The following SORCS3 variants were observed in gnomAD, a reference collection of about 807,000 sequenced individuals.
SORCS3 encodes VPS10 domain-containing receptor SorCS3.
A neutral mutation model predicts 146.3 loss-of-function variants in SORCS3; 57 were observed. The observed-to-expected ratio is 0.39, with a 90% CI of 0.31 to 0.49. SORCS3 has a LOEUF of 0.49. Among genes scored for constraint, SORCS3 ranks in the 20% least tolerant of loss-of-function variants. SORCS3 has a pLI of 0.92. For missense variants in SORCS3, 1,341 were observed against 1,575.5 expected, an observed-to-expected ratio of 0.85 and a Z score of 2.52; for synonymous variants, 653 against 618.5, an observed-to-expected ratio of 1.06 and a Z score of -0.83.
In SORCS3 at chr10:105,263,424, GATTACT is replaced by G. The variant is rs1197501781; in HGVS notation, c.*61_*66del. On this transcript the variant is annotated 3_prime_UTR_variant, in exon 27 of 27. Transcript: ENST00000369701. ...ACCTTTCTGACTTTTTATTTTTGAT[GATTACT>G]ATTACTATTATTATGGAAAAATTAA... 2 of 1,529,344 alleles carry G rather than the reference GATTACT, an allele frequency of 1.3e-6. No individual in the cohort carries two copies. The highest frequency in any genetic ancestry group is 1.1e-5 in the South Asian group (1 of 88,724). 94.7% of individuals were successfully genotyped at this position (1,529,344 alleles called of 1,614,324 possible). A position where few individuals can be genotyped will look rare whatever the true frequency, so the allele number is the denominator to read the frequency against.
At chr10:104,696,479 G>GAATATATAATATATAGAATATAT (rs2016200947) in intron 1 of SORCS3, among the ~76,000 whole-genome samples, 1 of 6,952 alleles carries the variant, frequency 1.4e-4, no homozygotes, top group African/African-American at 2.7e-4. Flanking sequence ...ATAGAATATA[G>GAATATATAATATATAGAATATAT]AATATATAAT....
intron 2 of SORCS3, among the ~76,000 whole-genome samples, chr10:104,849,837 A>G (rs2018254694): frequency 6.6e-6 from 1 of 152,198 alleles, no homozygotes; most frequent in Non-Finnish European, 1.5e-5. Context: ...TACAGAACAA[A>G]TCTAGACTCC....
Position 105,199,981 on chromosome 10 carries a change from C to A in SORCS3, c.2010-18C>A. On this transcript the variant is annotated intron_variant, in intron 14 of 26. Transcript: ENST00000369701. Reference sequence around the variant, plus strand: ...ACTTTCTCCCCTTGTGTCTCCCACTCCTCCCCTAAACACTTAGAGTTTTTG... The same window carrying A: ...ACTTTCTCCCCTTGTGTCTCCCACTACTCCCCTAAACACTTAGAGTTTTTG... 6.3e-7 allele frequency: 1 copy of A among 1,593,164 alleles called. No individual in the cohort carries two copies. Among genetic ancestry groups the A allele is most frequent in the South Asian group, 1.1e-5 (1 of 90,424 alleles).
Position 105,010,743 on chromosome 10 carries a change from G to A in SORCS3, c.955-32312G>A, listed in dbSNP as rs2055130802. ...TTCTTTTTTTTTTTTCTCTCTTTCA[G>A]TGGCACTTTTCTGATGTTTAAATAC... On this transcript the variant is annotated intron_variant, in intron 4 of 26. Coordinates refer to ENST00000369701, the MANE Select transcript of SORCS3 (RefSeq NM_014978.3). Among the ~76,000 whole-genome samples the A allele has an allele frequency of 2.0e-5, 3 of 150,194 alleles. No individual in the cohort carries two copies. The South Asian group carries it at 6.3e-4, about 32-fold the overall frequency.
rs539248274 is a variant in SORCS3, at chr10:105,116,098, G to C, written c.1212+10583G>C. On this transcript the variant is annotated intron_variant, in intron 7 of 26. Transcript: ENST00000369701. Reference sequence around the variant, plus strand: ...CTCCTATATGTGTAATGATTATAGTGGTTTGCTGTTAGTATTTGAAATACT... The same window carrying C: ...CTCCTATATGTGTAATGATTATAGTCGTTTGCTGTTAGTATTTGAAATACT... 4.6e-5 allele frequency among the ~76,000 whole-genome samples: 7 copies of C among 152,276 alleles called. No individual in the cohort carries two copies. The South Asian group carries it at 1.5e-3, about 32-fold the overall frequency.
chr10:104,879,643 A>C (rs1199710961), intron 2 of SORCS3, among the ~76,000 whole-genome samples: 1 of 152,164 alleles, frequency 6.6e-6, no homozygotes, highest in Non-Finnish European at 1.5e-5. Flanking sequence ...GAGCCCATTG[A>C]CTGCCTTTGT....
At chr10:104,910,548 C>T (rs930265253) in intron 2 of SORCS3, among the ~76,000 whole-genome samples, 1 of 152,018 alleles carries the variant, frequency 6.6e-6, no homozygotes, top group Admixed American at 6.5e-5. Context: ...TCTCACAAGC[C>T]GAATGTTGGG....
chr10:105,011,359 C>T, intron 4 of SORCS3, among the ~76,000 whole-genome samples: 1 of 152,032 alleles, frequency 6.6e-6, no homozygotes, highest in East Asian at 1.9e-4. Context: ...CTCCTCTGAC[C>T]CCAGAAAAAC....
rs964497552 is a variant in SORCS3, at chr10:104,910,789, G to T, written c.696-5044G>T. Reference sequence around the variant, plus strand: ...CACACACACGTGACAGTGGAGTGGGGTTGGGGTAACTGGAGCCAGGGTACA... The same window carrying T: ...CACACACACGTGACAGTGGAGTGGGTTTGGGGTAACTGGAGCCAGGGTACA... On this transcript the variant is annotated intron_variant, in intron 2 of 26. Coordinates refer to ENST00000369701, the MANE Select transcript of SORCS3 (RefSeq NM_014978.3). 3.9e-5 allele frequency among the ~76,000 whole-genome samples: 6 copies of T among 152,246 alleles called. No individual in the cohort carries two copies. The East Asian group carries it at 1.2e-3, about 29-fold the overall frequency.
At chr10:105,076,379 G>C (rs1203551023) in intron 5 of SORCS3, among the ~76,000 whole-genome samples, 7 of 152,180 alleles carry the variant, frequency 4.6e-5, no homozygotes, top group Non-Finnish European at 1.0e-4. Flanking sequence ...GCTTGAGACT[G>C]AGAATTGCAG....
At chr10:104,960,384 A>C (rs1183256883) in intron 3 of SORCS3, among the ~76,000 whole-genome samples, 1 of 152,134 alleles carries the variant, frequency 6.6e-6, no homozygotes, top group Admixed American at 6.6e-5. Flanking sequence ...GCTATTTATA[A>C]GAAACAGGAT....
intron 9 of SORCS3, among the ~76,000 whole-genome samples, chr10:105,149,050 G>A (rs945532434): frequency 2.6e-5 from 4 of 152,110 alleles, no homozygotes; most frequent in African/African-American, 9.7e-5. Context: ...CACTATGTAA[G>A]ACATACCTTG....
chr10:104,959,258 A>T (rs550687232), intron 3 of SORCS3, among the ~76,000 whole-genome samples: 1 of 152,304 alleles, frequency 6.6e-6, no homozygotes, highest in East Asian at 1.9e-4. Context: ...TACACATACC[A>T]AATTCATATA....
chr10:105,046,203 T>C (rs1162355473), intron 5 of SORCS3, among the ~76,000 whole-genome samples: 1 of 152,100 alleles, frequency 6.6e-6, no homozygotes, highest in African/African-American at 2.4e-5. Flanking sequence ...AAAAAGACTT[T>C]TAACTTGTGG....
intron 2 of SORCS3, among the ~76,000 whole-genome samples, chr10:104,898,278 GT>G (rs1457143583): frequency 1.3e-5 from 2 of 152,174 alleles, no homozygotes; most frequent in African/African-American, 4.8e-5. Flanking sequence ...TAGTTTGTTT[GT>G]TTCCTTTCAT....
intron 8 of SORCS3, among the ~76,000 whole-genome samples, chr10:105,147,104 C>T (rs1186483702): frequency 1.3e-5 from 2 of 152,106 alleles, no homozygotes; most frequent in Middle Eastern, 6.3e-3. Flanking sequence ...ATTTTCTGCT[C>T]TGATTGAAAC....
intron 14 of SORCS3, among the ~76,000 whole-genome samples, chr10:105,194,999 G>A (rs1003316907): frequency 6.6e-6 from 1 of 152,174 alleles, no homozygotes; most frequent in Non-Finnish European, 1.5e-5. Flanking sequence ...GACCATTTGA[G>A]CTTCTGAAGA....
chr10:104,789,593 G>A (rs1227488233), intron 1 of SORCS3, among the ~76,000 whole-genome samples: 2 of 152,152 alleles, frequency 1.3e-5, no homozygotes, highest in Admixed American at 6.5e-5. Context: ...TTCTCAGGAT[G>A]TAGTTCTCTG....
intron 1 of SORCS3, among the ~76,000 whole-genome samples, chr10:104,754,765 C>A (rs2017028328): frequency 6.6e-6 from 1 of 152,236 alleles, no homozygotes; most frequent in Non-Finnish European, 1.5e-5. Flanking sequence ...TCAGTCCCTG[C>A]TGGGGCCCTG....
Sources: gnomAD v4.1 joint callset for allele counts (sites outside exome capture counted in the v4.1 genomes callset) on GRCh38, gnomAD v4.1.1 for gene constraint, MANE v1.5 for transcripts, NCBI Gene and HGNC (gene_info 2026-07-23, HGNC 2026-07-21) for gene names.